The following ENTPD8 variants were observed in gnomAD, a reference collection of about 807,000 sequenced individuals.
The protein encoded by ENTPD8 is E-NTPDase 8.
ENTPD8 carries 35 observed loss-of-function variants against 47.0 expected under a neutral mutation model. The observed-to-expected ratio is 0.75, with a 90% CI of 0.57 to 0.99. ENTPD8 has a LOEUF of 0.99. Among genes scored for constraint, ENTPD8 ranks in the 50% least tolerant of loss-of-function variants. ENTPD8 has a pLI of 0.00. For synonymous variants in ENTPD8, 308 were observed against 290.5 expected (o/e 1.06, Z -0.61); for missense variants, 668 against 649.9 (o/e 1.03, Z -0.30).
chr9:137,437,097 C>G (rs1404894373), intron 4 of ENTPD8, 62 bp downstream of exon 4: 1 of 1,600,154 alleles, frequency 6.2e-7, no homozygotes, highest in Non-Finnish European at 8.5e-7. Flanking sequence ...GCCTGCCACG[C>G]TGGCTGAGAC....
intron 8 of ENTPD8, 102 bp from the exon 9 acceptor site, chr9:137,435,440 G>C (rs73565586): frequency 2.0e-6 from 3 of 1,494,350 alleles, no homozygotes; most frequent in South Asian, 1.3e-5. Flanking sequence ...CAGACAACAA[G>C]AGGGTGCCGG....
At position 137,437,896 on chromosome 9, in the gene ENTPD8, G is replaced by A. The variant is rs374891120; in HGVS notation, c.244+71C>T. ...CACTGAACCTCTCCAAACCCTTTCCGTGCAGCTGGGAATCCCAGCCAGGCA... is the reference window on the plus strand; with the variant it reads ...CACTGAACCTCTCCAAACCCTTTCCATGCAGCTGGGAATCCCAGCCAGGCA... On this transcript the variant is annotated intron_variant, in intron 3 of 9. Coordinates refer to ENST00000371506, the MANE Select transcript of ENTPD8 (RefSeq NM_001033113.2). 25 of 1,363,702 alleles carry A rather than the reference G, an allele frequency of 1.8e-5. No homozygotes were observed. In the South Asian group the frequency reaches 1.9e-4, roughly 10 times the overall value. 84.5% of individuals were successfully genotyped at this position (1,363,702 alleles called of 1,614,324 possible). A position where few individuals can be genotyped will look rare whatever the true frequency, so the allele number is the denominator to read the frequency against.
At chr9:137,435,399 C>T (rs563105010) in intron 8 of ENTPD8, 61 bp from the exon 9 acceptor site, 77 of 1,564,122 alleles carry the variant, frequency 4.9e-5, no homozygotes, top group African/African-American at 4.6e-4. Flanking sequence ...ATGCGGGGAC[C>T]GCCCCATCTG....
At chr9:137,436,351 C>G in intron 6 of ENTPD8, 75 bp from the exon 7 acceptor site, 1 of 1,444,242 alleles carries the variant, frequency 6.9e-7, no homozygotes. Flanking sequence ...CCGGATGACC[C>G]ACGCCAGCCC....
In ENTPD8 at chr9:137,434,400, C is replaced by A; in HGVS notation, c.*514G>T. 6.5e-7 allele frequency: 1 copy of A among 1,532,080 alleles called. No individual in the cohort carries two copies. Among genetic ancestry groups the A allele is most frequent in the South Asian group, 1.2e-5 (1 of 81,524 alleles). 94.9% of individuals were successfully genotyped at this position (1,532,080 alleles called of 1,614,324 possible). On this transcript the variant is annotated 3_prime_UTR_variant, in exon 10 of 10. Transcript: ENST00000371506. ...TGATGCTTTTAATAAAAACAACCCCCACTGCAGTCTCACCCTCCAAGTGGG... is the reference window on the plus strand; with the variant it reads ...TGATGCTTTTAATAAAAACAACCCCAACTGCAGTCTCACCCTCCAAGTGGG...
chr9:137,438,979 T>C lies in ENTPD8; in HGVS notation c.-20-674A>G, dbSNP rs1839443987. The stretch of plus-strand genomic sequence containing the variant: ...GGGGCCCAGGGCTCTGCCTCCTCTC[T>C]GCGGCCCCCACCCCAGGCACTCCTA... On this transcript the variant is annotated intron_variant, in intron 1 of 9. Transcript: ENST00000371506. The surrounding 1 kb of genome is among the most constrained non-coding windows in gnomAD (Gnocchi z 5.7). Among the ~76,000 whole-genome samples, 2 of 152,058 alleles carry C rather than the reference T, an allele frequency of 1.3e-5. No individual in the cohort carries two copies. Among genetic ancestry groups the C allele is most frequent in the Non-Finnish European group, 2.9e-5 (2 of 67,980 alleles).
intron 1 of ENTPD8, among the ~76,000 whole-genome samples, chr9:137,439,370 G>A (rs1839455331): frequency 6.6e-6 from 1 of 152,136 alleles, no homozygotes; most frequent in Non-Finnish European, 1.5e-5. Flanking sequence ...CACTGCCAAA[G>A]GAGTGGTCAA....
In ENTPD8 at chr9:137,435,746, C is replaced by T. The variant is rs758289668; in HGVS notation, c.1134G>A (p.Trp378Ter). 6.2e-7 allele frequency: 1 copy of T among 1,613,438 alleles called. No homozygotes were observed. Reference protein sequence around the residue: ...QPLSTVNATIWEFCQRPWKLV... With the variant: ...QPLSTVNATI ...GTTTCCAGGGCCTCTGGCAAAACTC[C>T]CAGATGGTGGCGTTGACCGTGCTCA... is the stretch of plus-strand genomic sequence containing the variant. Residue 378 changes from tryptophan to a stop codon, truncating the protein, a stop_gained, in exon 8 of 10, where the codon TGG becomes TGA. Transcript: ENST00000371506. LOFTEE classifies it high-confidence loss of function.
intron 6 of ENTPD8, 24 bp downstream of exon 6, chr9:137,436,497 G>C (rs1374207999): frequency 6.3e-7 from 1 of 1,577,972 alleles, no homozygotes; most frequent in Non-Finnish European, 8.6e-7. Context: ...ACAGCCCCAT[G>C]CACCCTCCCC....
chr9:137,435,114 C>A lies in ENTPD8; in HGVS notation c.1297-9G>T. The A allele has an allele frequency of 6.2e-7, 1 of 1,606,824 alleles. No homozygotes were observed. The highest frequency in any genetic ancestry group is 8.5e-7 in the Non-Finnish European group (1 of 1,177,740). On this transcript the variant is annotated splice_polypyrimidine_tract_variant and intron_variant, in intron 9 of 9. Coordinates refer to ENST00000371506, the MANE Select transcript of ENTPD8 (RefSeq NM_001033113.2). ...ATGTCCACACCGCCCGCCTGCGGGA[C>A]ACACGGCTGCTCAGGGCTGCGGGGC...
chr9:137,437,070 G>A, intron 4 of ENTPD8, 42 bp from the exon 5 acceptor site: 1 of 1,603,566 alleles, frequency 6.2e-7, no homozygotes, highest in Non-Finnish European at 8.5e-7. Flanking sequence ...CTGGAAGCCT[G>A]GGCCCGGCCC....
chr9:137,438,359 C>T lies in ENTPD8; in HGVS notation c.-20-54G>A, dbSNP rs1047071398. 1.4e-6 allele frequency: 2 copies of T among 1,445,080 alleles called. No individual in the cohort carries two copies. Among genetic ancestry groups the T allele is most frequent in the Non-Finnish European group, 9.1e-7 (1 of 1,098,666 alleles). 89.5% of individuals were successfully genotyped at this position (1,445,080 alleles called of 1,614,324 possible). The stretch of plus-strand genomic sequence containing the variant: ...GCTGCACTTGGTGTCCCCATCCCGC[C>T]CTCCAGAGGCAGAGGCTTCGCTCCC... On this transcript the variant is annotated intron_variant, in intron 1 of 9. Transcript: ENST00000371506. The surrounding 1 kb of genome is among the most constrained non-coding windows in gnomAD (Gnocchi z 5.7).
rs908796450 is a variant in ENTPD8 at position 137,438,728 on chromosome 9, G to A, written c.-20-423C>T. Among the ~76,000 whole-genome samples, 2 of 152,074 alleles carry A rather than the reference G, an allele frequency of 1.3e-5. No homozygotes were observed. The highest frequency in any genetic ancestry group is 2.9e-5 in the Non-Finnish European group (2 of 67,964). ...TCCCCAGGAGCCACGCCTGCCAGGG[G>A]TGCCATGGGCATCAGAGGGCCCTGT... On this transcript the variant is annotated intron_variant, in intron 1 of 9. Coordinates refer to ENST00000371506, the MANE Select transcript of ENTPD8 (RefSeq NM_001033113.2). This position sits in a 1 kb window ranked among gnomAD's most constrained non-coding sequence, Gnocchi z 5.7.
At position 137,436,563 on chromosome 9, in the gene ENTPD8, T is replaced by G. The variant is rs753617173; in HGVS notation, c.744A>C (p.Gly248=). The G allele has an allele frequency of 6.2e-7, 1 of 1,611,714 alleles. No homozygotes were observed. ...GGAGCCTGCTCAGCATCTGGTCCCG[T>G]CCAAAGCACAGGTAGCTGTGAGTGT... is the stretch of plus-strand genomic sequence containing the variant. The part of the protein sequence containing the change: ...SVYTHSYLCF[G]RDQMLSRLLV... The change falls in exon 6 of 10, where the codon GGA becomes GGC. Residue 248 remains glycine, a synonymous_variant. Coordinates refer to ENST00000371506, the MANE Select transcript of ENTPD8 (RefSeq NM_001033113.2).
chr9:137,437,612 T>A (rs1262247702), intron 3 of ENTPD8, among the ~76,000 whole-genome samples: 1 of 152,176 alleles, frequency 6.6e-6, no homozygotes, highest in East Asian at 1.9e-4. Flanking sequence ...GGGCCTCCTG[T>A]TTTCCCCTCT....
rs1336333181 is a variant in ENTPD8, at chr9:137,438,334, G to C, written c.-20-29C>G. ...TGGGGGGACGGCCGTGGGCACCCAGGCTGCACTTGGTGTCCCCATCCCGCC... is the reference window on the plus strand; with the variant it reads ...TGGGGGGACGGCCGTGGGCACCCAGCCTGCACTTGGTGTCCCCATCCCGCC... On this transcript the variant is annotated intron_variant, in intron 1 of 9. Coordinates refer to ENST00000371506, the MANE Select transcript of ENTPD8 (RefSeq NM_001033113.2). This position sits in a 1 kb window ranked among gnomAD's most constrained non-coding sequence, Gnocchi z 5.7. 5.4e-6 allele frequency: 8 copies of C among 1,484,716 alleles called. No homozygotes were observed. The highest frequency in any genetic ancestry group is 7.2e-6 in the Non-Finnish European group (8 of 1,116,210). 92.0% of individuals were successfully genotyped at this position (1,484,716 alleles called of 1,614,324 possible).
chr9:137,435,844 AG>A lies in ENTPD8; in HGVS notation c.1051-16del, dbSNP rs749584058. 2.3e-5 allele frequency: 37 copies of A among 1,611,504 alleles called. No individual in the cohort carries two copies. The South Asian group carries it at 4.1e-4, about 18-fold the overall frequency. ...TTGGAGAAGGCCTGAGTGAGAGGGG[AG>A]GTGGCTGTGCCTTCGCTGTGGCCAC... On this transcript the variant is annotated splice_polypyrimidine_tract_variant and intron_variant, in intron 7 of 9. Coordinates refer to ENST00000371506, the MANE Select transcript of ENTPD8 (RefSeq NM_001033113.2).
In ENTPD8 at chr9:137,435,717, A is replaced by G; in HGVS notation, c.1161+2T>C. The G allele has an allele frequency of 1.2e-6, 2 of 1,611,838 alleles. No individual in the cohort carries two copies. Among genetic ancestry groups the G allele is most frequent in the Non-Finnish European group, 1.7e-6 (2 of 1,178,922 alleles). On this transcript the variant is annotated splice_donor_variant, in intron 8 of 9. Transcript: ENST00000371506. LOFTEE classifies it high-confidence loss of function. ...CAGCCAGGGAGCCCAGGGCCCACCC[A>G]CCAGTTTCCAGGGCCTCTGGCAAAA...
chr9:137,436,225 T>G lies in ENTPD8; in HGVS notation c.838A>C (p.Thr280Pro), dbSNP rs1348669514. ...RHPCYLSGYQ[T>P]TLALGPLYES... The stretch of plus-strand genomic sequence containing the variant: ...TACAGCGGGCCCAGGGCCAGTGTGG[T>G]CTGGTAGCCGCTGAGGTAGCACGGG... Residue 280 changes from threonine to proline, a missense_variant, in exon 7 of 10, where the codon ACC becomes CCC. Coordinates refer to ENST00000371506, the MANE Select transcript of ENTPD8 (RefSeq NM_001033113.2). 1 of 1,609,386 alleles carries G rather than the reference T, an allele frequency of 6.2e-7. No individual in the cohort carries two copies. The highest frequency in any genetic ancestry group is 8.5e-7 in the Non-Finnish European group (1 of 1,177,620).
Sources: gnomAD v4.1 joint callset for allele counts (sites outside exome capture counted in the v4.1 genomes callset) on GRCh38, gnomAD v4.1.1 for gene constraint, Gnocchi (gnomAD v3.1) non-coding constraint, MANE v1.5 for transcripts, NCBI Gene and HGNC (gene_info 2026-07-23, HGNC 2026-07-21) for gene names.